PRXL2B: variants seen among roughly 807,000 people sequenced by gnomAD.
PRXL2B encodes peroxiredoxin like 2B, also known as prostamide/prostaglandin F synthase.
A neutral mutation model predicts 24.4 loss-of-function variants in PRXL2B; 26 were observed. That is an observed-to-expected ratio of 1.07 (90% CI 0.78 to 1.48). PRXL2B has a LOEUF of 1.48. Among genes scored for constraint, PRXL2B ranks in the 40% most tolerant of loss-of-function variants. PRXL2B has a pLI of 0.00. For synonymous variants in PRXL2B, 115 were observed against 118.9 expected (o/e 0.97, Z 0.21); for missense variants, 269 against 264.8 (o/e 1.02, Z -0.11).
rs1300456302 is a variant in PRXL2B, at chr1:2,587,743, C to A, written c.271C>A (p.Leu91Ile). The change falls in exon 3 of 7, where the codon CTC (leucine) becomes ATC (isoleucine). Residue 91 changes from leucine to isoleucine, a missense_variant and splice_region_variant. Transcript: ENST00000419916. This position sits in a 1 kb window ranked among gnomAD's most constrained non-coding sequence, Gnocchi z 6.1. Reference sequence around the variant, plus strand: ...CACATGTGGCTTCCGCTTTCCAGAGCTCTACCTGGATGAGAGCAAGCAGCT... The same window carrying A: ...CACATGTGGCTTCCGCTTTCCAGAGATCTACCTGGATGAGAGCAAGCAGCT... Reference protein sequence around the residue: ...FLDGDYFAGELYLDESKQLYK... With the variant: ...FLDGDYFAGEIYLDESKQLYK... The A allele has an allele frequency of 1.2e-6, 2 of 1,602,808 alleles. No homozygotes were observed. Among genetic ancestry groups the A allele is most frequent in the East Asian group, 4.5e-5 (2 of 44,518 alleles).
In PRXL2B at chr1:2,589,381, G is replaced by A. The variant is rs149857424; in HGVS notation, c.580-29G>A. 1.3e-3 allele frequency: 2,037 copies of A among 1,611,764 alleles called. 4 individuals are homozygous for A. The highest frequency in any genetic ancestry group is 2.0e-3 in the Admixed American group (121 of 59,614). ...GCATTTGTCTGATCCAGTGTCCAGC[G>A]GCCCCATGGGACCCTGCTGTCCCCA... On this transcript the variant is annotated intron_variant, in intron 6 of 6. Coordinates refer to ENST00000419916, the MANE Select transcript of PRXL2B (RefSeq NM_152371.5).
intron 3 of PRXL2B, 102 bp from the exon 4 acceptor site, chr1:2,588,288 G>T (rs758540105): frequency 6.8e-7 from 1 of 1,470,432 alleles, no homozygotes; most frequent in Non-Finnish European, 9.3e-7. Flanking sequence ...AGGCGGGTGG[G>T]TGGGGTGGGG....
intron 4 of PRXL2B, 33 bp downstream of exon 4, chr1:2,588,486 G>A: frequency 6.2e-7 from 1 of 1,613,854 alleles, no homozygotes; most frequent in Non-Finnish European, 8.5e-7. Context: ...CAGGCCGGGG[G>A]GTGGTGGGAG....
intron 3 of PRXL2B, 157 bp from the exon 4 acceptor site, chr1:2,588,233 G>C (rs1644575476): frequency 1.1e-6 from 1 of 914,566 alleles, no homozygotes; most frequent in East Asian, 2.7e-5. Flanking sequence ...GGTGGGCTGG[G>C]CTGGCTACTG....
In PRXL2B at chr1:2,587,747, A is replaced by G; in HGVS notation, c.275A>G (p.Tyr92Cys). Residue 92 changes from tyrosine to cysteine, a missense_variant, in exon 3 of 7, where the codon TAC (tyrosine) becomes TGC (cysteine). Transcript: ENST00000419916. This position sits in a 1 kb window ranked among gnomAD's most constrained non-coding sequence, Gnocchi z 6.1. ...LDGDYFAGEL[Y>C]LDESKQLYKE... Reference sequence around the variant, plus strand: ...TGTGGCTTCCGCTTTCCAGAGCTCTACCTGGATGAGAGCAAGCAGCTTTAC... The same window carrying G: ...TGTGGCTTCCGCTTTCCAGAGCTCTGCCTGGATGAGAGCAAGCAGCTTTAC... 6.3e-7 allele frequency: 1 copy of G among 1,577,442 alleles called. No individual in the cohort carries two copies. Among genetic ancestry groups the G allele is most frequent in the Non-Finnish European group, 8.6e-7 (1 of 1,160,000 alleles).
In PRXL2B at chr1:2,586,802, C is replaced by A. The variant is rs1007302063; in HGVS notation, c.-84C>A. ...GGGGCTTGGGGCTGGATCTATGAGC[C>A]GGGAGCGGGGATCCAGGAGCGAGGA... On this transcript the variant is annotated 5_prime_UTR_variant, in exon 1 of 7. Transcript: ENST00000419916. The A allele has an allele frequency of 7.9e-7, 1 of 1,261,796 alleles. No homozygotes were observed. The highest frequency in any genetic ancestry group is 9.9e-7 in the Non-Finnish European group (1 of 1,005,694). The allele number at this position is 1,261,796 out of a possible 1,614,324, so 78.2% of individuals were successfully genotyped here. A position where few individuals can be genotyped will look rare whatever the true frequency, so the allele number is the denominator to read the frequency against.
At chr1:2,588,504 G>C in intron 4 of PRXL2B, 46 bp from the exon 5 acceptor site, 1 of 1,613,724 alleles carries the variant, frequency 6.2e-7, no homozygotes, top group Non-Finnish European at 8.5e-7. Flanking sequence ...GAGCTCCCAG[G>C]AGCCTTTCTT....
At position 2,587,704 on chromosome 1, in the gene PRXL2B, G is replaced by A. The variant is rs758090427; in HGVS notation, c.269-37G>A. ...GGTGAGTGGGTTGGGGGCTGGTTCT[G>A]CGCCTGGGGCACACACATGTGGCTT... On this transcript the variant is annotated intron_variant, in intron 2 of 6. Transcript: ENST00000419916. The surrounding 1 kb of genome is among the most constrained non-coding windows in gnomAD (Gnocchi z 6.1). The A allele has an allele frequency of 6.3e-7, 1 of 1,582,260 alleles. No homozygotes were observed. The highest frequency in any genetic ancestry group is 8.6e-7 in the Non-Finnish European group (1 of 1,163,954).
Position 2,587,224 on chromosome 1 carries a change from T to G in PRXL2B, c.197T>G (p.Val66Gly), listed in dbSNP as rs1258591076. The G allele has an allele frequency of 6.4e-7, 1 of 1,573,824 alleles. No individual in the cohort carries two copies. Among genetic ancestry groups the G allele is most frequent in the South Asian group, 1.2e-5 (1 of 86,884 alleles). The change falls in exon 2 of 7, where the codon GTG becomes GGG. Residue 66 changes from valine (V) to glycine (G), a missense_variant. Physicochemically the swap from Val to Gly is moderately radical, Grantham distance 109 (BLOSUM62 -3). Coordinates refer to ENST00000419916, the MANE Select transcript of PRXL2B (RefSeq NM_152371.5). The surrounding 1 kb of genome is among the most constrained non-coding windows in gnomAD (Gnocchi z 6.1). ...GCTGGGCTCCTGGACCAACACGGCG[T>G]GCGCCTGGTGGGCGTAGGGCCCGAG... ...SLAGLLDQHGVRLVGVGPEAL... is the reference protein window; with the variant it reads ...SLAGLLDQHGGRLVGVGPEAL...
Position 2,591,209 on chromosome 1 carries a change from A to T in PRXL2B, c.*1782A>T, listed in dbSNP as rs541451749. ...CAGCCTAATGGCTCATGTCAGTATG[A>T]GCAGAAACATTTCAACCATGAGATA... On this transcript the variant is annotated 3_prime_UTR_variant, in exon 7 of 7. Transcript: ENST00000419916. 3.0e-6 allele frequency: 2 copies of T among 666,482 alleles called. No individual in the cohort carries two copies. The highest frequency in any genetic ancestry group is 1.8e-5 in the African/African-American group (1 of 54,918). The allele number at this position is 666,482 out of a possible 1,614,324, so 41.3% of individuals were successfully genotyped here. A position where few individuals can be genotyped will look rare whatever the true frequency, so the allele number is the denominator to read the frequency against.
In PRXL2B at chr1:2,587,541, C is replaced by G. The variant is rs144009058; in HGVS notation, c.269-200C>G. On this transcript the variant is annotated intron_variant, in intron 2 of 6. Coordinates refer to ENST00000419916, the MANE Select transcript of PRXL2B (RefSeq NM_152371.5). The surrounding 1 kb of genome is among the most constrained non-coding windows in gnomAD (Gnocchi z 6.1). ...CTGCCCCGCCGGCTCCACCTGTTGC[C>G]TCTGGGACTCAGCCCCTCTTCTGAG... 0.014 allele frequency among the ~76,000 whole-genome samples: 2,172 copies of G among 152,294 alleles called. 25 individuals carry two copies. Among genetic ancestry groups the G allele is most frequent in the Admixed American group, 0.025 (381 of 15,308 alleles).
At position 2,587,815 on chromosome 1, in the gene PRXL2B, G is replaced by C. The variant is rs750344080; in HGVS notation, c.320+23G>C. 5 of 1,580,074 alleles carry C rather than the reference G, an allele frequency of 3.2e-6. No homozygotes were observed. In the South Asian group the frequency reaches 4.6e-5, roughly 15 times the overall value. On this transcript the variant is annotated intron_variant, in intron 3 of 6. Transcript: ENST00000419916. The surrounding 1 kb of genome is among the most constrained non-coding windows in gnomAD (Gnocchi z 6.1). ...GCGGTGAGTGGGGGCGGGAACCCTTGGGTAGCGTGGGGTGGGGGGCCCAGG... is the reference window on the plus strand; with the variant it reads ...GCGGTGAGTGGGGGCGGGAACCCTTCGGTAGCGTGGGGTGGGGGGCCCAGG...
At chr1:2,588,481 CG>C (rs776223428) in intron 4 of PRXL2B, 28 bp downstream of exon 4, 2 of 1,613,504 alleles carry the variant, frequency 1.2e-6, no homozygotes, top group Non-Finnish European at 1.7e-6. Flanking sequence ...GTGTACAGGC[CG>C]GGGGGTGGTG....
In PRXL2B at chr1:2,588,961, C is replaced by T. The variant is rs371656711; in HGVS notation, c.500C>T (p.Pro167Leu). The stretch of plus-strand genomic sequence containing the variant: ...CTCCTGCATTTCGTCCAGAAGTCCC[C>T]AGGCGACTACGTCCCCAAGGAGCAC... The part of the protein sequence containing the change: ...KVLLHFVQKS[P>L]GDYVPKEHIL... The change falls in exon 6 of 7, where the codon CCA becomes CTA. Residue 167 changes from proline to leucine, a missense_variant. Transcript: ENST00000419916. 5 of 1,613,228 alleles carry T rather than the reference C, an allele frequency of 3.1e-6. No individual in the cohort carries two copies. The highest frequency in any genetic ancestry group is 2.5e-6 in the Non-Finnish European group (3 of 1,180,004).
Position 2,586,821 on chromosome 1 carries a change from G to T in PRXL2B, c.-65G>T. On this transcript the variant is annotated 5_prime_UTR_variant, in exon 1 of 7. Transcript: ENST00000419916. The stretch of plus-strand genomic sequence containing the variant: ...ATGAGCCGGGAGCGGGGATCCAGGA[G>T]CGAGGAGCCGGGAGCGGGGAACAGG... 1.6e-6 allele frequency: 2 copies of T among 1,272,008 alleles called. No individual in the cohort carries two copies. The highest frequency in any genetic ancestry group is 2.0e-6 in the Non-Finnish European group (2 of 1,010,416). 78.8% of individuals were successfully genotyped at this position (1,272,008 alleles called of 1,614,324 possible). A position where few individuals can be genotyped will look rare whatever the true frequency, so the allele number is the denominator to read the frequency against.
At position 2,589,028 on chromosome 1, in the gene PRXL2B, C is replaced by T. The variant is rs768849870; in HGVS notation, c.567C>T (p.Ser189=). The change falls in exon 6 of 7, where the codon AGC becomes AGT. Residue 189 remains serine (S), a synonymous_variant. Coordinates refer to ENST00000419916, the MANE Select transcript of PRXL2B (RefSeq NM_152371.5). ...VLGISAEVCA[S]DPPQCDREV The stretch of plus-strand genomic sequence containing the variant: ...GCATCTCTGCGGAGGTCTGTGCCAG[C>T]GACCCGCCTCAGGTGAGCTGGGCCT... 3.1e-6 allele frequency: 5 copies of T among 1,612,802 alleles called. No individual in the cohort carries two copies. The highest frequency in any genetic ancestry group is 2.2e-5 in the East Asian group (1 of 44,882).
chr1:2,589,775 C>T lies in PRXL2B; in HGVS notation c.*348C>T, dbSNP rs1368997838. 1 of 415,430 alleles carries T rather than the reference C, an allele frequency of 2.4e-6. No individual in the cohort carries two copies. Among genetic ancestry groups the T allele is most frequent in the Non-Finnish European group, 4.4e-6 (1 of 228,892 alleles). The allele number at this position is 415,430 out of a possible 1,614,324, so 25.7% of individuals were successfully genotyped here. ...GGGGATGGTAACCTCACTGCCCCGT[C>T]ACTCCCTTCAAAGGCGACAGACCCA... On this transcript the variant is annotated 3_prime_UTR_variant, in exon 7 of 7. Coordinates refer to ENST00000419916, the MANE Select transcript of PRXL2B (RefSeq NM_152371.5).
At position 2,588,550 on chromosome 1, in the gene PRXL2B, G is replaced by T. The variant is rs141104076; in HGVS notation, c.385G>T (p.Ala129Ser). ...CTCAGGCTGTACCCACTCCTGACAG[G>T]CCAAGGCTGTTGGCATCCAGGGGAA... ...GKPVRDVAAK[A>S]KAVGIQGNLS... Residue 129 changes from alanine (A) to serine (S), a missense_variant and splice_region_variant, in exon 5 of 7, where the codon GCC (alanine) becomes TCC (serine). Transcript: ENST00000419916. The T allele has an allele frequency of 2.2e-4, 353 of 1,614,158 alleles. No individual in the cohort carries two copies. Among genetic ancestry groups the T allele is most frequent in the Non-Finnish European group, 2.8e-4 (331 of 1,180,014 alleles).
rs772277651 is a variant in PRXL2B, at chr1:2,587,310, C to T, written c.268+15C>T. 1 of 1,551,514 alleles carries T rather than the reference C, an allele frequency of 6.4e-7. No individual in the cohort carries two copies. The highest frequency in any genetic ancestry group is 1.9e-5 in the Admixed American group (1 of 53,004). On this transcript the variant is annotated intron_variant, in intron 2 of 6. Transcript: ENST00000419916. This position sits in a 1 kb window ranked among gnomAD's most constrained non-coding sequence, Gnocchi z 6.1. ...CTTCGCGGGAGGTGCGTCCTGTTCC[C>T]CGCCGCGGCGGCGCACATACCCTTC...
Sources: allele counts gnomAD v4.1 joint callset (sites outside exome capture counted in the v4.1 genomes callset), GRCh38; gene constraint gnomAD v4.1.1; non-coding constraint Gnocchi (gnomAD v3.1); transcripts MANE v1.5; gene names NCBI Gene and HGNC (gene_info 2026-07-23, HGNC 2026-07-21).